The following ZNF124 variants were observed in gnomAD, a reference collection of about 807,000 sequenced individuals.
ZNF124 encodes the protein zinc finger protein HZF-16.
Under a neutral mutation model 26.6 loss-of-function variants are expected in ZNF124, and 25 were observed. The ratio of observed to expected loss-of-function variants is 0.94; its 90% CI spans 0.68 to 1.31. The LOEUF is 1.31. ZNF124 is among the 40% of genes most tolerant of loss of function. The probability of loss-of-function intolerance (pLI) is 0.00; values close to 1 mark genes in which losing one functional copy is unlikely to be tolerated. For missense variants in ZNF124, 444 were observed against 422.2 expected, an observed-to-expected ratio of 1.05 and a Z score of -0.45; for synonymous variants, 129 against 133.3, an observed-to-expected ratio of 0.97 and a Z score of 0.22.
chr1:247,143,941 T>C (rs1473902478), intron 3 of ZNF124, among the ~76,000 whole-genome samples: 2 of 145,864 alleles, frequency 1.4e-5, no homozygotes, highest in South Asian at 4.6e-4. Flanking sequence ...GCATGCATGC[T>C]CAATAAAACT....
intron 3 of ZNF124, among the ~76,000 whole-genome samples, chr1:247,131,145 A>G (rs200358814): frequency 2.0e-5 from 3 of 152,212 alleles, no homozygotes; most frequent in Non-Finnish European, 4.4e-5. Context: ...AAAATTGACT[A>G]GAAGGATGGT....
At chr1:247,122,299 A>C (rs1007480374) in exon 4 of ZNF124, 1 of 152,252 alleles carries the variant, frequency 6.6e-6, no homozygotes. Context: ...CATGTATAAC[A>C]CAATGATTTA....
intron 3 of ZNF124, among the ~76,000 whole-genome samples, chr1:247,130,804 G>A (rs569178026): frequency 1.6e-4 from 25 of 152,302 alleles, no homozygotes; most frequent in African/African-American, 5.3e-4. Flanking sequence ...GGGGCCAAGC[G>A]CGGTGGCTCA....
downstream of ZNF124, among the ~76,000 whole-genome samples, chr1:247,151,117 C>A (rs560762344): frequency 6.6e-6 from 1 of 152,048 alleles, no homozygotes; most frequent in Non-Finnish European, 1.5e-5. Context: ...TGTTAGTAAT[C>A]GGAGAAATGT....
chr1:247,153,629 G>A (rs1673009662), downstream of ZNF124, among the ~76,000 whole-genome samples: 1 of 152,160 alleles, frequency 6.6e-6, no homozygotes, highest in South Asian at 2.1e-4. Flanking sequence ...TCTCTACCTG[G>A]AAACAGACAG....
At chr1:247,152,288 TAAAAACAAAAA>T (rs1672968751), downstream of ZNF124, among the ~76,000 whole-genome samples, 1 of 146,596 alleles carries the variant, frequency 6.8e-6, no homozygotes, top group African/African-American at 2.5e-5. Flanking sequence ...ATTTCTAGGT[TAAAAACAAAAA>T]TAAAACAAAA....
At chr1:247,162,632 AAAG>A (rs1339344441) in intron 1 of ZNF124, among the ~76,000 whole-genome samples, 5 of 143,066 alleles carry the variant, frequency 3.5e-5, no homozygotes, top group African/African-American at 1.5e-4. Context: ...AAAAAAAAAA[AAAG>A]CAGGGATTAC....
At chr1:247,167,440 A>C (rs1673843696) in intron 1 of ZNF124, among the ~76,000 whole-genome samples, 1 of 152,200 alleles carries the variant, frequency 6.6e-6, no homozygotes, top group South Asian at 2.1e-4. Context: ...CAATTTATGT[A>C]CCACACTTTT....
chr1:247,157,467 C>G (rs1673219285), intron 3 of ZNF124, 64 bp from the exon 4 acceptor site: 3 of 1,485,238 alleles, frequency 2.0e-6, no homozygotes, highest in South Asian at 1.2e-5. Flanking sequence ...TGGTTTTACT[C>G]TAGCAGGAAT....
exon 4 of ZNF124, chr1:247,122,269 C>T (rs1672100337): frequency 6.6e-6 from 1 of 152,216 alleles, no homozygotes; most frequent in Non-Finnish European, 1.5e-5. Context: ...TACCTATACA[C>T]TTAATACCTA....
At chr1:247,124,719 T>TCG (rs1553329888) in intron 3 of ZNF124, among the ~76,000 whole-genome samples, 2 of 152,040 alleles carry the variant, frequency 1.3e-5, no homozygotes, top group Non-Finnish European at 2.9e-5. Flanking sequence ...TATGTGGGGT[T>TCG]TGTGTGTGTG....
chr1:247,135,617 C>A (rs1294896717), intron 3 of ZNF124, among the ~76,000 whole-genome samples: 1 of 152,136 alleles, frequency 6.6e-6, no homozygotes, highest in South Asian at 2.1e-4. Context: ...GGAGCAGATA[C>A]CATTCCTTCT....
chr1:247,154,432 G>A (rs1169133935), downstream of ZNF124, among the ~76,000 whole-genome samples: 2 of 152,158 alleles, frequency 1.3e-5, no homozygotes, highest in Non-Finnish European at 2.9e-5. Flanking sequence ...TGAACTGGGA[G>A]TCAATTAAAT....
chr1:247,170,771 G>C (rs1194373237), intron 1 of ZNF124, among the ~76,000 whole-genome samples: 6 of 141,588 alleles, frequency 4.2e-5, no homozygotes, highest in Admixed American at 3.4e-4. Flanking sequence ...AATCAGAACG[G>C]AACAGAACAG....
intron 3 of ZNF124, chr1:247,138,796 A>C (rs895539604): frequency 2.5e-6 from 1 of 398,594 alleles, no homozygotes; most frequent in Non-Finnish European, 4.4e-6. Context: ...AAATTGTTTA[A>C]AGCTGAGTGT....
At chr1:247,139,464 C>A (rs185396166) in intron 3 of ZNF124, among the ~76,000 whole-genome samples, 2 of 152,166 alleles carry the variant, frequency 1.3e-5, no homozygotes, top group African/African-American at 4.8e-5. Context: ...TGCCATTGTG[C>A]GCCTTTTAAG....
intron 3 of ZNF124, among the ~76,000 whole-genome samples, chr1:247,148,472 T>G (rs1359967369): frequency 6.6e-6 from 1 of 152,210 alleles, no homozygotes; most frequent in Non-Finnish European, 1.5e-5. Flanking sequence ...TTCATGGATA[T>G]TAGAAGAAGG....
chr1:247,127,498 CAAAG>C (rs1313010875), intron 3 of ZNF124, among the ~76,000 whole-genome samples: 9 of 113,788 alleles, frequency 7.9e-5, no homozygotes, highest in African/African-American at 2.8e-4. Context: ...TTTCTGCCTC[CAAAG>C]AAAGAAGAAG....
chr1:247,155,269 A>G lies in ZNF124; in HGVS notation c.*1297T>C, dbSNP rs754452762. Among the ~76,000 whole-genome samples the G allele has an allele frequency of 6.6e-6, 1 of 152,214 alleles. No individual in the cohort carries two copies. Among genetic ancestry groups the G allele is most frequent in the Admixed American group, 6.5e-5 (1 of 15,276 alleles). ...GCAAAGAAAATAGACTCATTTATCAATGGCCAATTAATAACAAAATAATTA... is the reference window on the plus strand; with the variant it reads ...GCAAAGAAAATAGACTCATTTATCAGTGGCCAATTAATAACAAAATAATTA... On this transcript the variant is annotated 3_prime_UTR_variant, in exon 4 of 4. Transcript: ENST00000543802.
Sources: gnomAD v4.1 joint callset for allele counts (sites outside exome capture counted in the v4.1 genomes callset) on GRCh38, gnomAD v4.1.1 for gene constraint, MANE v1.5 for transcripts, NCBI Gene and HGNC (gene_info 2026-07-23, HGNC 2026-07-21) for gene names.